RIMKLA: variants seen among roughly 807,000 people sequenced by gnomAD.
The protein encoded by RIMKLA is N-acetylaspartylglutamate synthase A.
RIMKLA carries 14 observed loss-of-function variants against 32.7 expected under a neutral mutation model. The ratio of observed to expected loss-of-function variants is 0.43; its 90% CI spans 0.28 to 0.67. The LOEUF (loss-of-function observed/expected upper bound fraction) is 0.67. Among genes scored for constraint, RIMKLA ranks in the 30% least tolerant of loss-of-function variants. The pLI is 0.18. For synonymous variants in RIMKLA, 176 were observed against 204.1 expected (o/e 0.86, Z 1.18); for missense variants, 410 against 519.0 (o/e 0.79, Z 2.04).
chr1:42,384,235 G>C (rs911704909), intron 1 of RIMKLA, among the ~76,000 whole-genome samples: 2 of 152,110 alleles, frequency 1.3e-5, no homozygotes, highest in Non-Finnish European at 2.9e-5. Flanking sequence ...ATCTGAGTGG[G>C]AGACAGTGGA....
intron 1 of RIMKLA, among the ~76,000 whole-genome samples, chr1:42,398,418 G>T (rs1195101868): frequency 6.6e-6 from 1 of 152,126 alleles, no homozygotes; most frequent in Non-Finnish European, 1.5e-5. Context: ...TTAGTAGACT[G>T]ATTTTTCAGA....
chr1:42,410,405 A>G (rs1267007903), intron 4 of RIMKLA, among the ~76,000 whole-genome samples: 1 of 152,120 alleles, frequency 6.6e-6, no homozygotes, highest in Non-Finnish European at 1.5e-5. Flanking sequence ...CAGGACATGG[A>G]GGACTGAACG....
intron 1 of RIMKLA, among the ~76,000 whole-genome samples, chr1:42,386,988 A>C (rs1165771397): frequency 6.6e-6 from 1 of 151,588 alleles, no homozygotes; most frequent in African/African-American, 2.4e-5. Context: ...AATCACTTGA[A>C]CCTGGGAAGT....
intron 3 of RIMKLA, among the ~76,000 whole-genome samples, chr1:42,406,641 G>T (rs966205008): frequency 1.3e-5 from 2 of 151,964 alleles, no homozygotes; most frequent in African/African-American, 4.8e-5. Flanking sequence ...AATGTTTGAG[G>T]GTTCCAATTT....
intron 3 of RIMKLA, among the ~76,000 whole-genome samples, chr1:42,406,925 C>CT (rs571576114): frequency 0.055 from 7,839 of 142,914 alleles, 233 homozygotes; most frequent in African/African-American, 0.075. Context: ...AATGTAGATT[C>CT]TTTTTTTTTT....
chr1:42,386,994 G>A (rs1370204081), intron 1 of RIMKLA, among the ~76,000 whole-genome samples: 2 of 151,672 alleles, frequency 1.3e-5, no homozygotes, highest in Non-Finnish European at 2.9e-5. Context: ...TTGAACCTGG[G>A]AAGTGGAGGT....
At chr1:42,387,001 A>C (rs1010996306) in intron 1 of RIMKLA, among the ~76,000 whole-genome samples, 5 of 151,668 alleles carry the variant, frequency 3.3e-5, no homozygotes, top group Admixed American at 3.3e-4. Flanking sequence ...TGGGAAGTGG[A>C]GGTTGCAGTG....
chr1:42,387,233 T>C (rs1642957502), intron 1 of RIMKLA, among the ~76,000 whole-genome samples: 1 of 152,054 alleles, frequency 6.6e-6, no homozygotes, highest in African/African-American at 2.4e-5. Flanking sequence ...ACAGTGAGAC[T>C]GTTTATTTAT....
In RIMKLA at chr1:42,411,326, C is replaced by A. The variant is rs542907904; in HGVS notation, c.685+1139C>A. 2.6e-3 allele frequency among the ~76,000 whole-genome samples: 376 copies of A among 146,688 alleles called. 4 individuals are homozygous for A. Among genetic ancestry groups the A allele is most frequent in the African/African-American group, 9.5e-3 (361 of 37,992 alleles). ...CTCCAGCCTGGGCAACAGAGTGAGA[C>A]CCTATCTCTTAAAAAAAAAAAAAAG... On this transcript the variant is annotated intron_variant, in intron 4 of 4. Coordinates refer to ENST00000431473, the MANE Select transcript of RIMKLA (RefSeq NM_173642.4).
rs762505750 is a variant in RIMKLA, at chr1:42,410,136, T to A, written c.634T>A (p.Ser212Thr). 9.9e-6 allele frequency: 16 copies of A among 1,614,020 alleles called. No individual in the cohort carries two copies. The East Asian group carries it at 3.1e-4, about 31-fold the overall frequency. Reference protein sequence around the residue: ...VVVVGGQVIGSMLRCSTDGRM... With the variant: ...VVVVGGQVIGTMLRCSTDGRM... Reference sequence around the variant, plus strand: ...GGTGGTAGGGGGCCAGGTCATAGGCTCTATGCTTCGCTGCTCCACTGATGG... The same window carrying A: ...GGTGGTAGGGGGCCAGGTCATAGGCACTATGCTTCGCTGCTCCACTGATGG... Residue 212 changes from serine to threonine, a missense_variant, in exon 4 of 5, where the codon TCT becomes ACT. Ser to Thr is a moderately conservative substitution (Grantham distance 58). Coordinates refer to ENST00000431473, the MANE Select transcript of RIMKLA (RefSeq NM_173642.4).
Position 42,396,966 on chromosome 1 carries a change from T to G in RIMKLA, c.164-2438T>G, listed in dbSNP as rs536037421. 3.9e-5 allele frequency among the ~76,000 whole-genome samples: 6 copies of G among 152,284 alleles called. No homozygotes were observed. In the East Asian group the frequency reaches 1.2e-3, roughly 29 times the overall value. Reference sequence around the variant, plus strand: ...TGGGTTACTTTTACCTTTCGCATTATTTCCCCCAAGGGCTGTAAGTGTCAA... The same window carrying G: ...TGGGTTACTTTTACCTTTCGCATTAGTTCCCCCAAGGGCTGTAAGTGTCAA... On this transcript the variant is annotated intron_variant, in intron 1 of 4. Coordinates refer to ENST00000431473, the MANE Select transcript of RIMKLA (RefSeq NM_173642.4).
At chr1:42,381,649 C>T (rs1388267040) in intron 1 of RIMKLA, among the ~76,000 whole-genome samples, 1 of 151,746 alleles carries the variant, frequency 6.6e-6, no homozygotes, top group Non-Finnish European at 1.5e-5. Flanking sequence ...GGAGTGTAGA[C>T]CTTTGATGGG....
At chr1:42,389,599 G>A (rs1288931856) in intron 1 of RIMKLA, among the ~76,000 whole-genome samples, 1 of 152,106 alleles carries the variant, frequency 6.6e-6, no homozygotes, top group Non-Finnish European at 1.5e-5. Context: ...ATCACTTGAG[G>A]TCAGGAGTTC....
intron 4 of RIMKLA, among the ~76,000 whole-genome samples, chr1:42,410,708 T>C (rs929893159): frequency 9.2e-5 from 14 of 152,234 alleles, no homozygotes; most frequent in Non-Finnish European, 1.8e-4. Context: ...CATTAACCCA[T>C]TGATAAAGTT....
intron 1 of RIMKLA, among the ~76,000 whole-genome samples, chr1:42,383,713 C>T (rs1300301414): frequency 6.6e-6 from 1 of 152,020 alleles, no homozygotes; most frequent in Non-Finnish European, 1.5e-5. Flanking sequence ...CATTCTAATT[C>T]CTTCATTTTA....
rs1643305237 is a variant in RIMKLA, at chr1:42,422,752, A to T, written c.*7778A>T. ...TTGCACACCAGCTGCGTTCTGAAAAACTATAATTTTCCTTTCAAACGCAGA... is the reference window on the plus strand; with the variant it reads ...TTGCACACCAGCTGCGTTCTGAAAATCTATAATTTTCCTTTCAAACGCAGA... On this transcript the variant is annotated 3_prime_UTR_variant, in exon 5 of 5. Coordinates refer to ENST00000431473, the MANE Select transcript of RIMKLA (RefSeq NM_173642.4). Among the ~76,000 whole-genome samples the T allele has an allele frequency of 6.6e-6, 1 of 152,182 alleles. No homozygotes were observed. Among genetic ancestry groups the T allele is most frequent in the South Asian group, 2.1e-4 (1 of 4,832 alleles).
chr1:42,385,496 C>T (rs1040587159), intron 1 of RIMKLA, among the ~76,000 whole-genome samples: 1 of 152,048 alleles, frequency 6.6e-6, no homozygotes, highest in Non-Finnish European at 1.5e-5. Context: ...AGAGCTAAAA[C>T]GTTGGTAGCT....
rs1643127666 is a variant in RIMKLA, at chr1:42,404,517, A to G, written c.401A>G (p.His134Arg). 1.2e-6 allele frequency: 2 copies of G among 1,612,378 alleles called. No homozygotes were observed. The highest frequency in any genetic ancestry group is 1.7e-6 in the Non-Finnish European group (2 of 1,178,528). ...TTTCACCTTTTCTTGGCAGGTGGGC[A>G]TGAAGACTTTTCAAAAATGATTGAT... is the stretch of plus-strand genomic sequence containing the variant. ...PMPDTFSYGG[H>R]EDFSKMIDEA... The change falls in exon 3 of 5, where the codon CAT (histidine) becomes CGT (arginine). Residue 134 changes from histidine (H) to arginine (R), a missense_variant. His to Arg is a conservative substitution (Grantham distance 29). Coordinates refer to ENST00000431473, the MANE Select transcript of RIMKLA (RefSeq NM_173642.4).
Position 42,418,877 on chromosome 1 carries a change from CAG to C in RIMKLA, c.*3907_*3908del, listed in dbSNP as rs1421002851. ...AGCAGGTCAGTTTAAGGAGTCAGGT[CAG>C]AGAATAAATCCAACCTTAGTCAAGT... On this transcript the variant is annotated 3_prime_UTR_variant, in exon 5 of 5. Transcript: ENST00000431473. 1 of 152,212 alleles carries C rather than the reference CAG, an allele frequency of 6.6e-6. No individual in the cohort carries two copies. The highest frequency in any genetic ancestry group is 2.4e-5 in the African/African-American group (1 of 41,428). 9.4% of individuals were successfully genotyped at this position (152,212 alleles called of 1,614,324 possible). A position where few individuals can be genotyped will look rare whatever the true frequency, so the allele number is the denominator to read the frequency against.
Sources: gnomAD v4.1 joint callset for allele counts (sites outside exome capture counted in the v4.1 genomes callset) on GRCh38, gnomAD v4.1.1 for gene constraint, MANE v1.5 for transcripts, NCBI Gene and HGNC (gene_info 2026-07-23, HGNC 2026-07-21) for gene names.